MINK1: variants seen among roughly 807,000 people sequenced by gnomAD.
MINK1 encodes misshapen-like kinase 1.
In MINK1, 46 loss-of-function variants were observed where a neutral mutation model predicts 178.4. The observed-to-expected ratio is 0.26, with a 90% CI of 0.20 to 0.33. MINK1 has a LOEUF of 0.33. MINK1 is among the 10% of genes least tolerant of loss of function. The pLI, the probability that MINK1 is intolerant of heterozygous loss-of-function variation, is 1.00. For missense variants in MINK1, 1,366 were observed against 1,814.9 expected (o/e 0.75, Z 4.49); for synonymous variants, 797 against 709.7 (o/e 1.12, Z -1.96).
intron 4 of MINK1, among the ~76,000 whole-genome samples, chr17:4,884,010 A>C (rs1597524107): frequency 6.9e-6 from 1 of 145,316 alleles, no homozygotes; most frequent in Non-Finnish European, 1.5e-5. Context: ...GTTCTTTTCC[A>C]TCTGTATTCC....
In MINK1 at chr17:4,896,472, A is replaced by C. The variant is rs1431847694; in HGVS notation, c.3659A>C (p.Asn1220Thr). 1 of 1,613,682 alleles carries C rather than the reference A, an allele frequency of 6.2e-7. No individual in the cohort carries two copies. Among genetic ancestry groups the C allele is most frequent in the African/African-American group, 1.3e-5 (1 of 74,848 alleles). The change falls in exon 30 of 32, where the codon AAC becomes ACC. Residue 1220 changes from asparagine to threonine, a missense_variant. This residue lies in a region of MINK1 where 201 missense variants were observed against 240.7 expected (regional missense o/e 0.84). Coordinates refer to ENST00000355280, the MANE Select transcript of MINK1 (RefSeq NM_153827.5). This position sits in a 1 kb window ranked among gnomAD's most constrained non-coding sequence, Gnocchi z 4.6. ...CCCCATGCCATCATCTTCCTCCCCA[A>C]CACCGACGGCATGGAGATGCTGCTG... The part of the protein sequence containing the change: ...ITPHAIIFLP[N>T]TDGMEMLLCY...
intron 1 of MINK1, chr17:4,868,731 G>T (rs559535281): frequency 1.7e-4 from 34 of 201,258 alleles, no homozygotes; most frequent in South Asian, 1.6e-3. Flanking sequence ...TCTCTTCCAT[G>T]TACTGATTTC....
intron 4 of MINK1, 105 bp downstream of exon 4, chr17:4,881,362 C>A: frequency 7.7e-7 from 1 of 1,295,080 alleles, no homozygotes; most frequent in South Asian, 1.4e-5. Flanking sequence ...GCCAGCTACC[C>A]TCCCTCCGGT....
At chr17:4,844,910 C>G (rs1910790676) in intron 1 of MINK1, among the ~76,000 whole-genome samples, 1 of 152,110 alleles carries the variant, frequency 6.6e-6, no homozygotes, top group Non-Finnish European at 1.5e-5. Flanking sequence ...ACTTCTGTGG[C>G]ATTAAGTGCA....
intron 1 of MINK1, among the ~76,000 whole-genome samples, chr17:4,842,383 A>G (rs1052118788): frequency 1.3e-5 from 2 of 152,116 alleles, no homozygotes; most frequent in Non-Finnish European, 2.9e-5. Flanking sequence ...GACATGGGAG[A>G]GACCCGGGGA....
intron 1 of MINK1, among the ~76,000 whole-genome samples, chr17:4,874,388 A>G (rs1055911223): frequency 2.0e-4 from 31 of 152,250 alleles, no homozygotes; most frequent in African/African-American, 6.5e-4. Flanking sequence ...GTTAAATGTC[A>G]GGCTGAGGTG....
In MINK1 at chr17:4,896,354, G is replaced by A. The variant is rs777289230; in HGVS notation, c.3615+12G>A. 2.1e-5 allele frequency: 33 copies of A among 1,600,254 alleles called. No homozygotes were observed. The highest frequency in any genetic ancestry group is 4.5e-5 in the East Asian group (2 of 44,800). Reference sequence around the variant, plus strand: ...ACATCCCTGTGCACGTGAGCTTGGCGGGGCTGCTGGGGGAGTGGGATGGCC... The same window carrying A: ...ACATCCCTGTGCACGTGAGCTTGGCAGGGCTGCTGGGGGAGTGGGATGGCC... On this transcript the variant is annotated intron_variant, in intron 29 of 31. Transcript: ENST00000355280. This position sits in a 1 kb window ranked among gnomAD's most constrained non-coding sequence, Gnocchi z 4.6.
intron 13 of MINK1, chr17:4,890,208 A>AACCC: frequency 7.7e-6 from 4 of 518,770 alleles, no homozygotes; most frequent in Non-Finnish European, 9.9e-6. Flanking sequence ...CCCACCCCAC[A>AACCC]CCCCGTCCCC....
At position 4,863,733 on chromosome 17, in the gene MINK1, C is replaced by T. The variant is rs1012766903; in HGVS notation, c.58-14584C>T. Among the ~76,000 whole-genome samples the T allele has an allele frequency of 2.6e-5, 4 of 152,158 alleles. No homozygotes were observed. The East Asian group carries it at 5.8e-4, about 22-fold the overall frequency. ...TGTGAGATTATACTTCTAAAGTGCT[C>T]GGCAGTACCAGGAACAAATGAAATG... On this transcript the variant is annotated intron_variant, in intron 1 of 31. Transcript: ENST00000355280.
chr17:4,895,433 C>A lies in MINK1; in HGVS notation c.3169C>A (p.Arg1057=). The A allele has an allele frequency of 1.9e-6, 3 of 1,608,282 alleles. No individual in the cohort carries two copies. The highest frequency in any genetic ancestry group is 2.5e-6 in the Non-Finnish European group (3 of 1,176,536). Residue 1057 remains arginine, a synonymous_variant, in exon 26 of 32, where the codon CGG becomes AGG. Coordinates refer to ENST00000355280, the MANE Select transcript of MINK1 (RefSeq NM_153827.5). This position sits in a 1 kb window ranked among gnomAD's most constrained non-coding sequence, Gnocchi z 4.3. ...GGGCAAGGTGTATGGACTCATTGGG[C>A]GGCGACGCTTCCAGCAGATGGATGT... is the stretch of plus-strand genomic sequence containing the variant. The part of the protein sequence containing the change: ...GQGKVYGLIG[R]RRFQQMDVLE...
chr17:4,896,871 CCTGGGCAGAGTT>C lies in MINK1; in HGVS notation c.3915+64_3915+75del, dbSNP rs747577421. On this transcript the variant is annotated intron_variant, in intron 31 of 31. Transcript: ENST00000355280. The surrounding 1 kb of genome is among the most constrained non-coding windows in gnomAD (Gnocchi z 4.6). ...GTCCCGGCTGCCATGACCCTAGGCC[CCTGGGCAGAGTT>C]CTGGGGAGAGGATGGTGGTGGTGGC... is the stretch of plus-strand genomic sequence containing the variant. 1.5e-5 allele frequency: 22 copies of C among 1,510,036 alleles called. No homozygotes were observed. The African/African-American group carries it at 2.4e-4, about 16-fold the overall frequency. The allele number at this position is 1,510,036 out of a possible 1,614,324, so 93.5% of individuals were successfully genotyped here.
chr17:4,884,467 C>G lies in MINK1; in HGVS notation c.411C>G (p.Ile137Met). 1 of 1,612,510 alleles carries G rather than the reference C, an allele frequency of 6.2e-7. No individual in the cohort carries two copies. The highest frequency in any genetic ancestry group is 8.5e-7 in the Non-Finnish European group (1 of 1,178,730). The change falls in exon 5 of 32, where the codon ATC becomes ATG. Residue 137 changes from isoleucine to methionine, a missense_variant. Coordinates refer to ENST00000355280, the MANE Select transcript of MINK1 (RefSeq NM_153827.5). Reference protein sequence around the residue: ...EDCIAYICREILRGLAHLHAH... With the variant: ...EDCIAYICREMLRGLAHLHAH... ...GTATCGCCTATATCTGCAGGGAGAT[C>G]CTCAGGGTGAGCTCAAGGCCCCTCC...
At chr17:4,866,424 G>A (rs985612950) in intron 1 of MINK1, among the ~76,000 whole-genome samples, 3 of 151,452 alleles carry the variant, frequency 2.0e-5, no homozygotes, top group Non-Finnish European at 4.4e-5. Context: ...CCGAGATCGC[G>A]CCACTGAACT....
In MINK1 at chr17:4,895,117, A is replaced by G. The variant is rs770179249; in HGVS notation, c.2960A>G (p.Tyr987Cys). 1 of 1,613,748 alleles carries G rather than the reference A, an allele frequency of 6.2e-7. No homozygotes were observed. Among genetic ancestry groups the G allele is most frequent in the Non-Finnish European group, 8.5e-7 (1 of 1,180,002 alleles). ...GGCACTCGGCTCGACCAGCTGCAGT[A>G]CGACGTGAGGAAGGGTTCTGTGGTC... The part of the protein sequence containing the change: ...GEGTRLDQLQ[Y>C]DVRKGSVVNV... The change falls in exon 25 of 32, where the codon TAC becomes TGC. Residue 987 changes from tyrosine (Y) to cysteine (C), a missense_variant. This residue lies in a region of MINK1 where 709 missense variants were observed against 692.3 expected (regional missense o/e 1.02). Coordinates refer to ENST00000355280, the MANE Select transcript of MINK1 (RefSeq NM_153827.5). This position sits in a 1 kb window ranked among gnomAD's most constrained non-coding sequence, Gnocchi z 4.3.
Position 4,885,075 on chromosome 17 carries a change from C to A in MINK1, c.508+73C>A. The A allele has an allele frequency of 1.4e-6, 2 of 1,419,912 alleles. No individual in the cohort carries two copies. Among genetic ancestry groups the A allele is most frequent in the Admixed American group, 1.9e-5 (1 of 53,774 alleles). 88.0% of individuals were successfully genotyped at this position (1,419,912 alleles called of 1,614,324 possible). On this transcript the variant is annotated intron_variant, in intron 6 of 31. Coordinates refer to ENST00000355280, the MANE Select transcript of MINK1 (RefSeq NM_153827.5). This position sits in a 1 kb window ranked among gnomAD's most constrained non-coding sequence, Gnocchi z 5.0. ...CAGAGAATGAGGGGCCCCTTTTTCT[C>A]TCTGGTGGCTCAGGCCCAACTCCCT...
intron 1 of MINK1, among the ~76,000 whole-genome samples, chr17:4,866,471 TAAAA>T (rs960807944): frequency 2.2e-5 from 3 of 135,280 alleles, no homozygotes; most frequent in Admixed American, 7.3e-5. Context: ...GTCTCAAAAT[TAAAA>T]AAAAAAAAAA....
chr17:4,857,111 A>G lies in MINK1; in HGVS notation c.58-21206A>G, dbSNP rs1043186370. The G allele has an allele frequency of 2.3e-5, 5 of 216,576 alleles. No homozygotes were observed. In the East Asian group the frequency reaches 6.2e-4, roughly 27 times the overall value. 13.4% of individuals were successfully genotyped at this position (216,576 alleles called of 1,614,324 possible). On this transcript the variant is annotated intron_variant, in intron 1 of 31. Coordinates refer to ENST00000355280, the MANE Select transcript of MINK1 (RefSeq NM_153827.5). Reference sequence around the variant, plus strand: ...TCAGGCCAGCGCCCAGCTGGAGGAAACTGCTATAGAGACTGTTGTCATCAT... The same window carrying G: ...TCAGGCCAGCGCCCAGCTGGAGGAAGCTGCTATAGAGACTGTTGTCATCAT...
chr17:4,879,373 C>A, intron 2 of MINK1, among the ~76,000 whole-genome samples: 1 of 152,222 alleles, frequency 6.6e-6, no homozygotes, highest in Middle Eastern at 3.2e-3. Flanking sequence ...TGTCACAAGT[C>A]TCTTCTACAT....
intron 1 of MINK1, among the ~76,000 whole-genome samples, chr17:4,856,562 A>G (rs1305491928): frequency 6.6e-6 from 1 of 152,132 alleles, no homozygotes; most frequent in Non-Finnish European, 1.5e-5. Context: ...GGGAACCTCC[A>G]TGACGTGACA....
Sources: gnomAD v4.1 joint callset for allele counts (sites outside exome capture counted in the v4.1 genomes callset) on GRCh38, gnomAD v4.1.1 for gene constraint, gnomAD v4.1.1 regional missense constraint, Gnocchi (gnomAD v3.1) non-coding constraint, MANE v1.5 for transcripts, NCBI Gene and HGNC (gene_info 2026-07-23, HGNC 2026-07-21) for gene names.